The following KCNH7 variants were observed in gnomAD, a reference collection of about 807,000 sequenced individuals.
The protein encoded by KCNH7 is voltage-gated inwardly rectifying potassium channel KCNH7.
In KCNH7, 49 loss-of-function variants were observed where a neutral mutation model predicts 120.8. The ratio of observed to expected loss-of-function variants is 0.41; its 90% CI spans 0.32 to 0.51. The LOEUF (loss-of-function observed/expected upper bound fraction) is 0.51. KCNH7 is among the 20% of genes least tolerant of loss of function. The probability of loss-of-function intolerance (pLI) is 0.38; values close to 1 mark genes in which losing one functional copy is unlikely to be tolerated. For synonymous variants in KCNH7, 547 were observed against 516.1 expected (o/e 1.06, Z -0.81); for missense variants, 1,097 against 1,446.6 (o/e 0.76, Z 3.92).
chr2:162,384,350 A>G (rs1181825963), intron 13 of KCNH7, among the ~76,000 whole-genome samples: 1 of 151,882 alleles, frequency 6.6e-6, no homozygotes, highest in Non-Finnish European at 1.5e-5. Flanking sequence ...GATACATATA[A>G]AGAACCAATT....
rs953376558 is a variant in KCNH7, at chr2:162,444,921, G to GA, written c.1554+1096dup. 2.4e-3 allele frequency among the ~76,000 whole-genome samples: 354 copies of GA among 145,398 alleles called. 5 individuals carry two copies. The highest frequency in any genetic ancestry group is 8.0e-3 in the African/African-American group (317 of 39,686). ...ACTATCTCATTAGAGTCTCAAATTA[G>GA]AAAAAAAAAAGCAAGAGGAGAAGGT... On this transcript the variant is annotated intron_variant, in intron 7 of 15. Coordinates refer to ENST00000332142, the MANE Select transcript of KCNH7 (RefSeq NM_033272.4).
intron 6 of KCNH7, among the ~76,000 whole-genome samples, chr2:162,484,281 G>A (rs886446326): frequency 6.6e-6 from 1 of 151,334 alleles, no homozygotes; most frequent in Non-Finnish European, 1.5e-5. Flanking sequence ...TTAAGAGAAA[G>A]CCAATATATA....
intron 2 of KCNH7, among the ~76,000 whole-genome samples, chr2:162,604,804 T>A (rs1357937826): frequency 1.3e-5 from 2 of 152,062 alleles, no homozygotes; most frequent in African/African-American, 4.8e-5. Context: ...AGGCCTTAGC[T>A]GACATTTTTC....
chr2:162,716,251 G>T (rs1292057637), intron 2 of KCNH7, among the ~76,000 whole-genome samples: 1 of 151,982 alleles, frequency 6.6e-6, no homozygotes, highest in African/African-American at 2.4e-5. Context: ...GTAGTTCATG[G>T]CTGCAGATCA....
chr2:162,481,948 G>A (rs1689941152), intron 6 of KCNH7, among the ~76,000 whole-genome samples: 2 of 148,722 alleles, frequency 1.3e-5, no homozygotes, highest in South Asian at 4.2e-4. Flanking sequence ...ATATACACAG[G>A]TTATCTATCT....
intron 2 of KCNH7, among the ~76,000 whole-genome samples, chr2:162,682,918 C>A (rs1239912156): frequency 1.3e-5 from 2 of 151,762 alleles, no homozygotes; most frequent in African/African-American, 2.4e-5. Flanking sequence ...TACAACTGAA[C>A]TCAAGAAAGA....
At chr2:162,741,878 T>C (rs952557557) in intron 2 of KCNH7, among the ~76,000 whole-genome samples, 22 of 152,328 alleles carry the variant, frequency 1.4e-4, no homozygotes, top group African/African-American at 4.8e-4. Flanking sequence ...TTGAAGTTAA[T>C]ATAATTTATT....
At chr2:162,783,673 C>A (rs1369606993) in intron 2 of KCNH7, among the ~76,000 whole-genome samples, 1 of 152,128 alleles carries the variant, frequency 6.6e-6, no homozygotes. Flanking sequence ...GAAGGAAAGA[C>A]AATGTGAGAC....
chr2:162,750,732 G>T (rs1195844579), intron 2 of KCNH7, among the ~76,000 whole-genome samples: 5 of 152,038 alleles, frequency 3.3e-5, no homozygotes, highest in Non-Finnish European at 7.4e-5. Flanking sequence ...TATTTAAATT[G>T]TGTTTGACAG....
At chr2:162,458,425 G>A (rs913739769) in intron 6 of KCNH7, among the ~76,000 whole-genome samples, 6 of 151,874 alleles carry the variant, frequency 4.0e-5, no homozygotes, top group Non-Finnish European at 5.9e-5. Context: ...GTTTTGTCTC[G>A]CAGCTCCTAT....
intron 2 of KCNH7, among the ~76,000 whole-genome samples, chr2:162,673,605 T>C (rs1685434751): frequency 1.3e-5 from 2 of 152,054 alleles, no homozygotes. Context: ...GCCATGGGAA[T>C]ACAATGTCCC....
chr2:162,377,581 G>A (rs1457557004), intron 14 of KCNH7, among the ~76,000 whole-genome samples: 3 of 152,158 alleles, frequency 2.0e-5, no homozygotes, highest in African/African-American at 7.2e-5. Flanking sequence ...TTGCTGGTCA[G>A]ATGTCCTTGC....
intron 2 of KCNH7, among the ~76,000 whole-genome samples, chr2:162,826,513 T>C (rs1307674742): frequency 6.6e-6 from 1 of 152,144 alleles, no homozygotes; most frequent in Non-Finnish European, 1.5e-5. Context: ...TTAGAATACA[T>C]TGCTTTATAA....
At chr2:162,665,723 G>C (rs1319096420) in intron 2 of KCNH7, among the ~76,000 whole-genome samples, 1 of 152,070 alleles carries the variant, frequency 6.6e-6, no homozygotes, top group Non-Finnish European at 1.5e-5. Flanking sequence ...ATTATCCAAT[G>C]ATTTAATAAT....
intron 6 of KCNH7, among the ~76,000 whole-genome samples, chr2:162,497,497 AG>A (rs1690533275): frequency 6.6e-6 from 1 of 152,188 alleles, no homozygotes; most frequent in Non-Finnish European, 1.5e-5. Context: ...CACTCAGATT[AG>A]GACATTTGGT....
chr2:162,543,589 A>G (rs1432490748), intron 2 of KCNH7, among the ~76,000 whole-genome samples: 4 of 152,138 alleles, frequency 2.6e-5, no homozygotes, highest in Non-Finnish European at 4.4e-5. Context: ...ACAATTTTAA[A>G]CACTCAGAGA....
chr2:162,556,674 A>C (rs181050318), intron 2 of KCNH7, among the ~76,000 whole-genome samples: 1 of 152,312 alleles, frequency 6.6e-6, no homozygotes, highest in East Asian at 1.9e-4. Flanking sequence ...TTTTAACATA[A>C]ATTCAAATTT....
chr2:162,449,965 T>C (rs1234592169), intron 6 of KCNH7, among the ~76,000 whole-genome samples: 6 of 152,104 alleles, frequency 3.9e-5, no homozygotes, highest in African/African-American at 1.4e-4. Flanking sequence ...TCAAAAATGA[T>C]TGAAATTTGA....
intron 2 of KCNH7, chr2:162,795,900 A>G (rs1684128837): frequency 6.6e-6 from 1 of 152,062 alleles, no homozygotes; most frequent in Non-Finnish European, 1.5e-5. Flanking sequence ...TTACAGTCCG[A>G]TGTTGGGTAT....
Sources: gnomAD v4.1 joint callset for allele counts (sites outside exome capture counted in the v4.1 genomes callset) on GRCh38, gnomAD v4.1.1 for gene constraint, MANE v1.5 for transcripts, NCBI Gene and HGNC (gene_info 2026-07-23, HGNC 2026-07-21) for gene names.